The following TRIP12 variants were observed in gnomAD, a reference collection of about 807,000 sequenced individuals.
TRIP12 encodes E3 ubiquitin-protein ligase TRIP12.
A neutral mutation model predicts 244.2 loss-of-function variants in TRIP12; 25 were observed. That is an observed-to-expected ratio of 0.10 (90% CI 0.07 to 0.14). The LOEUF (loss-of-function observed/expected upper bound fraction) is 0.14, where lower values mean the gene tolerates loss of function less well. Ranked by LOEUF, TRIP12 falls within the 10% of genes least tolerant of loss-of-function variation. The pLI is 1.00. For synonymous variants in TRIP12, 905 were observed against 873.1 expected (o/e 1.04, Z -0.64); for missense variants, 1,677 against 2,486.4 (o/e 0.67, Z 6.92).
intron 2 of TRIP12, among the ~76,000 whole-genome samples, chr2:229,871,842 A>G (rs1369661535): frequency 6.6e-6 from 1 of 152,152 alleles, no homozygotes; most frequent in Admixed American, 6.5e-5. Context: ...ACAATTTTCT[A>G]GAAGAGTAAA....
At chr2:229,840,957 T>C in intron 4 of TRIP12, 30 bp from the exon 5 acceptor site, 1 of 1,466,476 alleles carries the variant, frequency 6.8e-7, no homozygotes, top group Non-Finnish European at 9.3e-7. Context: ...AAGTGTAATT[T>C]TATAATGAGA....
At chr2:229,832,197 A>T (rs1467312208) in intron 6 of TRIP12, among the ~76,000 whole-genome samples, 1 of 152,220 alleles carries the variant, frequency 6.6e-6, no homozygotes, top group Non-Finnish European at 1.5e-5. Flanking sequence ...GGTTTAAAAC[A>T]GGGTCAGCAA....
In TRIP12 at chr2:229,802,468, T is replaced by C. The variant is rs756819403; in HGVS notation, c.2999-9A>G. Reference sequence around the variant, plus strand: ...TACTTGATGCATTACACCTTTATAATAACAGAGATGAAAGGGAGTCAGTTT... The same window carrying C: ...TACTTGATGCATTACACCTTTATAACAACAGAGATGAAAGGGAGTCAGTTT... On this transcript the variant is annotated splice_polypyrimidine_tract_variant and intron_variant, in intron 20 of 41. Coordinates refer to ENST00000675903, the MANE Select transcript of TRIP12 (RefSeq NM_001348323.3). 2 of 1,602,938 alleles carry C rather than the reference T, an allele frequency of 1.2e-6. No individual in the cohort carries two copies. The highest frequency in any genetic ancestry group is 4.5e-5 in the East Asian group (2 of 44,530).
chr2:229,831,203 C>T, intron 6 of TRIP12: 1 of 683,350 alleles, frequency 1.5e-6, no homozygotes, highest in Admixed American at 2.5e-5. Context: ...AACAGATGGC[C>T]AATTAGTAAC....
Position 229,810,899 on chromosome 2 carries a change from A to G in TRIP12, c.2202T>C (p.Ala734=). Residue 734 remains alanine, a synonymous_variant, in exon 15 of 42, where the codon GCT becomes GCC. Coordinates refer to ENST00000675903, the MANE Select transcript of TRIP12 (RefSeq NM_001348323.3). ...SLMCSNCPTL[A]VQLMKQNIAE... ...ACTTACTTTGTTTCATAAGTTGAAC[A>G]GCTAAAGTTGGACAGTTGGAACACA... 1 of 1,613,486 alleles carries G rather than the reference A, an allele frequency of 6.2e-7. No homozygotes were observed. Among genetic ancestry groups the G allele is most frequent in the Non-Finnish European group, 8.5e-7 (1 of 1,179,848 alleles).
At chr2:229,847,814 C>T (rs2057878027) in intron 4 of TRIP12, among the ~76,000 whole-genome samples, 1 of 152,174 alleles carries the variant, frequency 6.6e-6, no homozygotes, top group Non-Finnish European at 1.5e-5. Flanking sequence ...AACCATTCCT[C>T]TCCTGGTTCC....
chr2:229,915,867 T>A (rs1438646624), intron 1 of TRIP12, among the ~76,000 whole-genome samples: 1 of 152,110 alleles, frequency 6.6e-6, no homozygotes, highest in Non-Finnish European at 1.5e-5. Context: ...GCTAATTTTT[T>A]ACTTTTAGTA....
chr2:229,829,530 C>CTAA (rs2052722378), intron 7 of TRIP12, among the ~76,000 whole-genome samples: 1 of 152,162 alleles, frequency 6.6e-6, no homozygotes, highest in African/African-American at 2.4e-5. Context: ...TTTTGAAGAG[C>CTAA]TAATATGTTA....
chr2:229,874,262 C>T (rs1388753032), intron 2 of TRIP12, among the ~76,000 whole-genome samples: 1 of 152,070 alleles, frequency 6.6e-6, no homozygotes, highest in African/African-American at 2.4e-5. Flanking sequence ...TTTTTCCCCA[C>T]AAACTTTTCT....
chr2:229,832,591 T>C (rs1435539011), intron 6 of TRIP12, among the ~76,000 whole-genome samples: 2 of 152,182 alleles, frequency 1.3e-5, no homozygotes, highest in Non-Finnish European at 2.9e-5. Flanking sequence ...AACACAGGCA[T>C]TGTCTAAGTT....
intron 21 of TRIP12, among the ~76,000 whole-genome samples, chr2:229,801,319 A>G (rs532890987): frequency 1.3e-5 from 2 of 152,324 alleles, no homozygotes; most frequent in East Asian, 1.9e-4. Context: ...GCCAAAATTC[A>G]TATTTAAGCT....
intron 1 of TRIP12, among the ~76,000 whole-genome samples, chr2:229,917,367 C>G (rs953569850): frequency 1.2e-5 from 1 of 82,152 alleles, no homozygotes; most frequent in Non-Finnish European, 2.2e-5. Flanking sequence ...GGCAACAGAG[C>G]GAGACTCTGT....
At chr2:229,791,080 T>C (rs754247362) in intron 30 of TRIP12, 44 bp downstream of exon 30, 9 of 1,605,614 alleles carry the variant, frequency 5.6e-6, no homozygotes, top group African/African-American at 2.7e-5. Context: ...AATGGGAAGA[T>C]TGCCCAGTTG....
rs202146534 is a variant in TRIP12 at position 229,804,047 on chromosome 2, G to T, written c.2831C>A (p.Ala944Glu). The T allele has an allele frequency of 1.2e-6, 2 of 1,613,668 alleles. No individual in the cohort carries two copies. Among genetic ancestry groups the T allele is most frequent in the Non-Finnish European group, 1.7e-6 (2 of 1,179,920 alleles). The change falls in exon 19 of 42, where the codon GCG becomes GAG. Residue 944 changes from alanine to glutamate, a missense_variant. This residue lies in a region of TRIP12 where 572 missense variants were observed against 867.8 expected (regional missense o/e 0.66). Transcript: ENST00000675903. ...LRAILRIIYF[A>E]DAELLKDVLK... is the part of the protein sequence containing the mutation. The stretch of plus-strand genomic sequence containing the variant: ...AACATCCTTCAGAAGTTCAGCATCC[G>T]CAAAATAAATTATCCTAAGAATTGC...
At chr2:229,786,564 ATTTTTT>A (rs34969936) in intron 33 of TRIP12, among the ~76,000 whole-genome samples, 2,154 of 78,046 alleles carry the variant, frequency 0.028, 24 homozygotes, top group Admixed American at 0.051. Flanking sequence ...CGCCCAGATA[ATTTTTT>A]TTTTTTTTTT....
At chr2:229,773,383 T>A (rs140182780) in intron 38 of TRIP12, among the ~76,000 whole-genome samples, 3 of 152,076 alleles carry the variant, frequency 2.0e-5, no homozygotes, top group African/African-American at 7.2e-5. Flanking sequence ...CTAATATATA[T>A]ATATGTATGT....
intron 1 of TRIP12, among the ~76,000 whole-genome samples, chr2:229,892,514 A>T (rs547040052): frequency 1.1e-4 from 16 of 152,304 alleles, no homozygotes; most frequent in Admixed American, 8.5e-4. Context: ...TGTCAAAGAA[A>T]TCATTATGCC....
rs1401832065 is a variant in TRIP12, at chr2:229,922,009, C to G, written c.-179G>C. 6.6e-6 allele frequency: 1 copy of G among 151,980 alleles called. No individual in the cohort carries two copies. Among genetic ancestry groups the G allele is most frequent in the Admixed American group, 6.6e-5 (1 of 15,196 alleles). 9.4% of individuals were successfully genotyped at this position (151,980 alleles called of 1,614,324 possible). A position where few individuals can be genotyped will look rare whatever the true frequency, so the allele number is the denominator to read the frequency against. On this transcript the variant is annotated 5_prime_UTR_variant, in exon 1 of 42. Coordinates refer to ENST00000675903, the MANE Select transcript of TRIP12 (RefSeq NM_001348323.3). Reference sequence around the variant, plus strand: ...CCTTCAATTATCAGCTGAGCCGCAGCACCGCGCCCGGCGTGCGCCTCCGCC... The same window carrying G: ...CCTTCAATTATCAGCTGAGCCGCAGGACCGCGCCCGGCGTGCGCCTCCGCC...
In TRIP12 at chr2:229,859,145, G is replaced by C; in HGVS notation, c.654C>G (p.Thr218=). The C allele has an allele frequency of 1.9e-6, 3 of 1,614,126 alleles. No individual in the cohort carries two copies. Among genetic ancestry groups the C allele is most frequent in the Non-Finnish European group, 2.5e-6 (3 of 1,180,024 alleles). ...TGAEERSAKP[T]KLASKSATSA... ...AGGTGGCTGATTTTGAAGCCAGCTT[G>C]GTAGGTTTCGCAGATCTCTCTTCTG... is the stretch of plus-strand genomic sequence containing the variant. Residue 218 remains threonine, a synonymous_variant, in exon 4 of 42, where the codon ACC becomes ACG. Coordinates refer to ENST00000675903, the MANE Select transcript of TRIP12 (RefSeq NM_001348323.3).
Sources: gnomAD v4.1 joint callset for allele counts (sites outside exome capture counted in the v4.1 genomes callset) on GRCh38, gnomAD v4.1.1 for gene constraint, gnomAD v4.1.1 regional missense constraint, MANE v1.5 for transcripts, NCBI Gene and HGNC (gene_info 2026-07-23, HGNC 2026-07-21) for gene names.